The following CTNNA3 variants were observed in gnomAD, a reference collection of about 807,000 sequenced individuals.
CTNNA3 encodes the protein catenin alpha-3.
CTNNA3 carries 76 observed loss-of-function variants against 95.7 expected under a neutral mutation model. The ratio of observed to expected loss-of-function variants is 0.79; its 90% CI spans 0.66 to 0.96. CTNNA3 has a LOEUF of 0.96. Ranked by LOEUF, CTNNA3 falls within the 40% of genes least tolerant of loss-of-function variation. The pLI is 0.00. For synonymous variants in CTNNA3, 431 were observed against 374.4 expected, an observed-to-expected ratio of 1.15 and a Z score of -1.74; for missense variants, 1,191 against 1,089.8, an observed-to-expected ratio of 1.09 and a Z score of -1.31.
intron 13 of CTNNA3, among the ~76,000 whole-genome samples, chr10:66,205,047 C>T (rs1213387467): frequency 1.3e-5 from 2 of 152,088 alleles, no homozygotes; most frequent in Non-Finnish European, 2.9e-5. Flanking sequence ...ATATGTCAAG[C>T]TTACAAACAT....
chr10:67,164,782 T>C (rs528295230), intron 7 of CTNNA3, among the ~76,000 whole-genome samples: 126 of 152,194 alleles, frequency 8.3e-4, no homozygotes, highest in African/African-American at 2.8e-3. Flanking sequence ...AATAAACACA[T>C]GAAAAGATGT....
At chr10:66,631,040 C>T (rs553653419) in intron 9 of CTNNA3, among the ~76,000 whole-genome samples, 10 of 152,252 alleles carry the variant, frequency 6.6e-5, no homozygotes, top group African/African-American at 2.4e-4. Context: ...GGTAGGTGAA[C>T]TTCATAGAGA....
intron 3 of CTNNA3, among the ~76,000 whole-genome samples, chr10:67,593,103 G>C (rs552068329): frequency 3.9e-5 from 6 of 152,266 alleles, no homozygotes; most frequent in African/African-American, 9.6e-5. Context: ...ATTCACTCAG[G>C]ATAATGGCCT....
intron 5 of CTNNA3, among the ~76,000 whole-genome samples, chr10:67,392,946 A>C (rs1456663099): frequency 1.3e-5 from 2 of 152,158 alleles, no homozygotes; most frequent in African/African-American, 4.8e-5. Flanking sequence ...TGGGAGATAT[A>C]CCTAATGCTA....
chr10:67,045,594 G>A (rs1854684612), intron 7 of CTNNA3, among the ~76,000 whole-genome samples: 2 of 152,274 alleles, frequency 1.3e-5, no homozygotes, highest in South Asian at 4.1e-4. Flanking sequence ...ATTGCGTGAC[G>A]GGCAAGGGGG....
intron 1 of CTNNA3, among the ~76,000 whole-genome samples, chr10:67,672,551 G>A (rs894225804): frequency 6.6e-6 from 1 of 152,144 alleles, no homozygotes; most frequent in Non-Finnish European, 1.5e-5. Context: ...GTGTAAGGAA[G>A]GGATCCAGTT....
At chr10:67,078,497 A>T (rs894093776) in intron 7 of CTNNA3, among the ~76,000 whole-genome samples, 4 of 151,216 alleles carry the variant, frequency 2.6e-5, no homozygotes, top group Admixed American at 1.3e-4. Context: ...TGATTTATAA[A>T]TTTTTTTCTG....
At chr10:66,057,318 C>A (rs532196047) in intron 15 of CTNNA3, among the ~76,000 whole-genome samples, 7 of 152,084 alleles carry the variant, frequency 4.6e-5, no homozygotes, top group African/African-American at 1.7e-4. Flanking sequence ...GATACAGAAC[C>A]GGTCTGCCAC....
chr10:66,115,791 T>A (rs188162124), intron 13 of CTNNA3, among the ~76,000 whole-genome samples: 1 of 152,008 alleles, frequency 6.6e-6, no homozygotes, highest in Non-Finnish European at 1.5e-5. Flanking sequence ...CAGCCACGGA[T>A]GTTAAGTAAG....
At chr10:66,331,349 T>TCC in intron 12 of CTNNA3, among the ~76,000 whole-genome samples, 1 of 86,170 alleles carries the variant, frequency 1.2e-5, no homozygotes, top group African/African-American at 4.5e-5. Context: ...TTTGTTTTTT[T>TCC]TTTTTTTTTT....
chr10:66,807,207 C>T (rs1841689010), intron 7 of CTNNA3, among the ~76,000 whole-genome samples: 1 of 151,928 alleles, frequency 6.6e-6, no homozygotes, highest in African/African-American at 2.4e-5. Context: ...AACTGTTGTA[C>T]CTGGAGCTCC....
intron 10 of CTNNA3, among the ~76,000 whole-genome samples, chr10:66,567,345 C>T (rs987262412): frequency 2.6e-5 from 4 of 152,090 alleles, no homozygotes; most frequent in African/African-American, 2.4e-5. Context: ...CCTGGCCTGG[C>T]GAGGTGGATC....
intron 11 of CTNNA3, among the ~76,000 whole-genome samples, chr10:66,480,112 A>G (rs1241002933): frequency 6.6e-6 from 1 of 152,108 alleles, no homozygotes; most frequent in African/African-American, 2.4e-5. Flanking sequence ...TGGAAAATAG[A>G]TCTGTTTCAA....
intron 15 of CTNNA3, among the ~76,000 whole-genome samples, 177 bp from the exon 16 acceptor site, chr10:65,988,974 C>T (rs1400215488): frequency 2.0e-5 from 3 of 152,186 alleles, no homozygotes; most frequent in Non-Finnish European, 4.4e-5. Context: ...CTGAGTCTCA[C>T]TCTGTCGCCA....
intron 7 of CTNNA3, among the ~76,000 whole-genome samples, chr10:67,134,983 T>C (rs1860222865): frequency 1.3e-5 from 2 of 152,074 alleles, no homozygotes; most frequent in Admixed American, 1.3e-4. Flanking sequence ...CCATTCCATA[T>C]GGTGGCAGGA....
chr10:66,304,363 G>T (rs949752016), intron 12 of CTNNA3, among the ~76,000 whole-genome samples: 1 of 152,140 alleles, frequency 6.6e-6, no homozygotes, highest in Non-Finnish European at 1.5e-5. Flanking sequence ...AACAGCCACA[G>T]AACCTATGGC....
intron 5 of CTNNA3, among the ~76,000 whole-genome samples, chr10:67,272,425 T>C (rs1224929068): frequency 6.6e-6 from 1 of 152,010 alleles, no homozygotes; most frequent in African/African-American, 2.4e-5. Flanking sequence ...TGGTGGTGCA[T>C]GCCTGTAGTC....
intron 1 of CTNNA3, among the ~76,000 whole-genome samples, chr10:67,684,010 A>G (rs1840679841): frequency 1.3e-5 from 2 of 152,214 alleles, no homozygotes. Flanking sequence ...TATTGTGAAG[A>G]GCAAAAGAAC....
At chr10:66,166,208 C>A (rs368982892) in intron 13 of CTNNA3, among the ~76,000 whole-genome samples, 4 of 152,178 alleles carry the variant, frequency 2.6e-5, no homozygotes, top group African/African-American at 9.6e-5. Context: ...ATAATCCCAG[C>A]ACTTTGGGAG....
Sources: allele counts gnomAD v4.1 joint callset (sites outside exome capture counted in the v4.1 genomes callset), GRCh38; gene constraint gnomAD v4.1.1; transcripts MANE v1.5; gene names NCBI Gene and HGNC (gene_info 2026-07-23, HGNC 2026-07-21).